The following ATRNL1 variants were observed in gnomAD, a reference collection of about 807,000 sequenced individuals.
ATRNL1 encodes attractin-like protein 1.
A neutral mutation model predicts 182.7 loss-of-function variants in ATRNL1; 95 were observed. The observed-to-expected ratio is 0.52, with a 90% confidence interval of 0.44 to 0.62. The LOEUF (loss-of-function observed/expected upper bound fraction) is 0.62, where lower values mean the gene tolerates loss of function less well. ATRNL1 is among the 20% of genes least tolerant of loss of function. The pLI, the probability that ATRNL1 is intolerant of heterozygous loss-of-function variation, is 0.00. For synonymous variants in ATRNL1, 576 were observed against 568.3 expected, an observed-to-expected ratio of 1.01 and a Z score of -0.19; for missense variants, 1,471 against 1,679.5, an observed-to-expected ratio of 0.88 and a Z score of 2.17.
At chr10:115,646,361 G>A (rs1392697077) in intron 26 of ATRNL1, among the ~76,000 whole-genome samples, 2 of 152,122 alleles carry the variant, frequency 1.3e-5, no homozygotes, top group Non-Finnish European at 1.5e-5. Flanking sequence ...CCAGTTTAAT[G>A]TGGATGTTCG....
intron 1 of ATRNL1, among the ~76,000 whole-genome samples, chr10:115,110,082 A>T (rs1554867501): frequency 6.6e-6 from 1 of 152,182 alleles, no homozygotes; most frequent in East Asian, 1.9e-4. Context: ...TCATAACATC[A>T]TTATATCAGT....
At chr10:115,143,263 C>G (rs1339016365) in intron 5 of ATRNL1, among the ~76,000 whole-genome samples, 2 of 152,144 alleles carry the variant, frequency 1.3e-5, no homozygotes, top group Admixed American at 1.3e-4. Flanking sequence ...TTTATAACCA[C>G]TTATTTTGTT....
In ATRNL1 at chr10:115,715,534, GATTCTCTTTGCCCCCAAAGGGC is replaced by G. The variant is rs1358246228; in HGVS notation, c.3796-11710_3796-11689del. 2.6e-5 allele frequency among the ~76,000 whole-genome samples: 4 copies of G among 152,262 alleles called. No individual in the cohort carries two copies. In the East Asian group the frequency reaches 7.7e-4, roughly 29 times the overall value. On this transcript the variant is annotated intron_variant, in intron 26 of 28. Transcript: ENST00000355044. Reference sequence around the variant, plus strand: ...AGCAAGTATGGCAACTCACTATCTTGATTCTCTTTGCCCCCAAAGGGCATTGACCTGTTCAGGGGATGGAATC... The same window carrying G: ...AGCAAGTATGGCAACTCACTATCTTGATTGACCTGTTCAGGGGATGGAATC...
At chr10:115,147,385 A>G (rs1020301583) in intron 5 of ATRNL1, among the ~76,000 whole-genome samples, 1 of 152,128 alleles carries the variant, frequency 6.6e-6, no homozygotes, top group African/African-American at 2.4e-5. Flanking sequence ...TCAGTAACAT[A>G]GTTTTCAAAT....
At chr10:115,346,826 T>C (rs1343381140) in intron 19 of ATRNL1, among the ~76,000 whole-genome samples, 3 of 152,188 alleles carry the variant, frequency 2.0e-5, no homozygotes, top group Non-Finnish European at 2.9e-5. Flanking sequence ...ATTCTGTAGG[T>C]TGTGTTCACT....
rs1418895751 is a variant in ATRNL1 at position 115,700,060 on chromosome 10, G to C, written c.3796-27188G>C. ...CTATGTAGAATTCCATGGTGTATATGTACCACATTTTCTTTATTCATCTGT... is the reference window on the plus strand; with the variant it reads ...CTATGTAGAATTCCATGGTGTATATCTACCACATTTTCTTTATTCATCTGT... On this transcript the variant is annotated intron_variant, in intron 26 of 28. Coordinates refer to ENST00000355044, the MANE Select transcript of ATRNL1 (RefSeq NM_207303.4). Among the ~76,000 whole-genome samples the C allele has an allele frequency of 3.9e-5, 6 of 152,150 alleles. No individual in the cohort carries two copies. The East Asian group carries it at 1.2e-3, about 29-fold the overall frequency.
intron 20 of ATRNL1, among the ~76,000 whole-genome samples, chr10:115,412,976 A>G (rs764362672): frequency 1.3e-5 from 2 of 152,186 alleles, no homozygotes; most frequent in Non-Finnish European, 1.5e-5. Flanking sequence ...GGATTATGAT[A>G]ATCTTGATTC....
At chr10:115,150,728 T>C (rs999912914) in intron 5 of ATRNL1, among the ~76,000 whole-genome samples, 2 of 152,192 alleles carry the variant, frequency 1.3e-5, no homozygotes, top group Admixed American at 6.5e-5. Flanking sequence ...TTTTTGAAGT[T>C]TTTTTATTAT....
At chr10:115,217,293 G>C (rs1849272722) in intron 9 of ATRNL1, among the ~76,000 whole-genome samples, 1 of 152,040 alleles carries the variant, frequency 6.6e-6, no homozygotes. Context: ...TCACTATGTT[G>C]GTAAGCCTGG....
At chr10:115,871,186 G>A (rs781971392) in intron 28 of ATRNL1, among the ~76,000 whole-genome samples, 3 of 151,852 alleles carry the variant, frequency 2.0e-5, no homozygotes, top group Non-Finnish European at 4.4e-5. Context: ...TGAAAGCAGT[G>A]TCTTATACTG....
intron 24 of ATRNL1, among the ~76,000 whole-genome samples, chr10:115,478,049 G>A (rs1592714244): frequency 1.3e-5 from 2 of 151,770 alleles, no homozygotes; most frequent in African/African-American, 4.8e-5. Context: ...ACAAGTGATA[G>A]GATTGAGAGG....
chr10:115,194,495 A>G lies in ATRNL1; in HGVS notation c.1349-21202A>G, dbSNP rs566530613. Among the ~76,000 whole-genome samples, 9 of 151,496 alleles carry G rather than the reference A, an allele frequency of 5.9e-5. No homozygotes were observed. The South Asian group carries it at 1.7e-3, about 28-fold the overall frequency. On this transcript the variant is annotated intron_variant, in intron 8 of 28. Coordinates refer to ENST00000355044, the MANE Select transcript of ATRNL1 (RefSeq NM_207303.4). ...TCTTGAAACCTATTTATGTGATACA[A>G]GTATAGCTACTCCTTCTTGCTTTTT... is the stretch of plus-strand genomic sequence containing the variant.
chr10:115,451,472 A>G (rs1393807019), intron 21 of ATRNL1, among the ~76,000 whole-genome samples: 3 of 152,320 alleles, frequency 2.0e-5, no homozygotes, highest in Middle Eastern at 3.4e-3. Context: ...GAAACTTTCA[A>G]AAAAAGACAT....
intron 25 of ATRNL1, among the ~76,000 whole-genome samples, chr10:115,547,526 G>C (rs575878890): frequency 3.3e-5 from 5 of 152,120 alleles, no homozygotes; most frequent in African/African-American, 1.2e-4. Context: ...TGAGGTCGTA[G>C]TTGAAATCAG....
intron 28 of ATRNL1, among the ~76,000 whole-genome samples, chr10:115,880,109 G>C (rs556468741): frequency 1.3e-5 from 2 of 152,218 alleles, no homozygotes; most frequent in Non-Finnish European, 2.9e-5. Flanking sequence ...CCAGGATAAA[G>C]TCATCCTGCT....
At chr10:115,479,452 A>G (rs1848667457) in intron 24 of ATRNL1, among the ~76,000 whole-genome samples, 1 of 151,552 alleles carries the variant, frequency 6.6e-6, no homozygotes, top group South Asian at 2.1e-4. Flanking sequence ...TAATTTATGT[A>G]CTTTGGAAAG....
At chr10:115,514,887 C>A (rs1246666498) in intron 24 of ATRNL1, among the ~76,000 whole-genome samples, 4 of 151,856 alleles carry the variant, frequency 2.6e-5, no homozygotes, top group African/African-American at 9.7e-5. Context: ...CCTTTCCCCA[C>A]TTTTGTTGGA....
intron 8 of ATRNL1, among the ~76,000 whole-genome samples, chr10:115,177,654 A>G (rs1847568158): frequency 6.6e-6 from 1 of 151,936 alleles, no homozygotes; most frequent in Non-Finnish European, 1.5e-5. Flanking sequence ...TAGAGAACCT[A>G]TCCATTTTTG....
intron 21 of ATRNL1, among the ~76,000 whole-genome samples, chr10:115,449,792 G>T (rs1847196567): frequency 6.6e-6 from 1 of 152,106 alleles, no homozygotes; most frequent in South Asian, 2.1e-4. Context: ...AAAATGTTCT[G>T]TTTCAATGCC....
Sources: allele counts gnomAD v4.1 joint callset (sites outside exome capture counted in the v4.1 genomes callset), GRCh38; gene constraint gnomAD v4.1.1; transcripts MANE v1.5; gene names NCBI Gene and HGNC (gene_info 2026-07-23, HGNC 2026-07-21).